ATXN1: variants seen among roughly 807,000 people sequenced by gnomAD.
The protein encoded by ATXN1 is ataxin-1.
ATXN1 carries 8 observed loss-of-function variants against 56.4 expected under a neutral mutation model. The observed-to-expected ratio is 0.14, with a 90% CI of 0.08 to 0.26. ATXN1 has a LOEUF of 0.26. Ranked by LOEUF, ATXN1 falls within the 10% of genes least tolerant of loss-of-function variation. The probability of loss-of-function intolerance (pLI) is 1.00; values close to 1 mark genes in which losing one functional copy is unlikely to be tolerated. For missense variants in ATXN1, 987 were observed against 1,106.5 expected (o/e 0.89, Z 1.53); for synonymous variants, 514 against 494.6 (o/e 1.04, Z -0.52).
intron 6 of ATXN1, among the ~76,000 whole-genome samples, chr6:16,450,017 A>G (rs1174528749): frequency 6.6e-6 from 1 of 152,230 alleles, no homozygotes. Flanking sequence ...AATCTAACAT[A>G]CATTATGCTA....
At chr6:16,478,595 T>A (rs954889854) in intron 6 of ATXN1, among the ~76,000 whole-genome samples, 2 of 152,214 alleles carry the variant, frequency 1.3e-5, no homozygotes, top group Non-Finnish European at 2.9e-5. Flanking sequence ...AAGAGAATAA[T>A]CTTTGTGCCC....
intron 2 of ATXN1, among the ~76,000 whole-genome samples, chr6:16,749,653 C>A (rs1438666106): frequency 2.0e-5 from 3 of 152,128 alleles, no homozygotes; most frequent in Non-Finnish European, 1.5e-5. Flanking sequence ...CACCCCAGAT[C>A]ATGAAAAGAA....
At chr6:16,610,685 T>C (rs924720356) in intron 3 of ATXN1, among the ~76,000 whole-genome samples, 9 of 152,044 alleles carry the variant, frequency 5.9e-5, no homozygotes, top group Non-Finnish European at 1.0e-4. Flanking sequence ...AAATTTAATT[T>C]TAAACAATAA....
intron 6 of ATXN1, among the ~76,000 whole-genome samples, chr6:16,374,172 A>G (rs1411270190): frequency 6.6e-6 from 1 of 151,494 alleles, no homozygotes; most frequent in African/African-American, 2.4e-5. Context: ...AGACCCTGCT[A>G]AAAAGGAACT....
intron 7 of ATXN1, among the ~76,000 whole-genome samples, chr6:16,320,675 C>CAGA (rs770200012): frequency 6.6e-6 from 1 of 152,238 alleles, no homozygotes; most frequent in African/African-American, 2.4e-5. Flanking sequence ...CAGCCTCTTG[C>CAGA]AGAAGAGGAG....
At chr6:16,373,033 T>A (rs1386035935) in intron 6 of ATXN1, among the ~76,000 whole-genome samples, 1 of 152,172 alleles carries the variant, frequency 6.6e-6, no homozygotes, top group African/African-American at 2.4e-5. Context: ...GAAGGGGACA[T>A]GTGATACGAG....
intron 6 of ATXN1, among the ~76,000 whole-genome samples, chr6:16,415,631 TGTGA>T (rs1758887729): frequency 6.6e-6 from 1 of 152,234 alleles, no homozygotes; most frequent in African/African-American, 2.4e-5. Context: ...GAAAGGGACC[TGTGA>T]GTGAGTCCTG....
At chr6:16,640,095 C>T (rs1396885081) in intron 3 of ATXN1, among the ~76,000 whole-genome samples, 1 of 151,932 alleles carries the variant, frequency 6.6e-6, no homozygotes, top group Non-Finnish European at 1.5e-5. Context: ...TCTGTGGCAA[C>T]CCCGTGTCAA....
chr6:16,629,455 G>A lies in ATXN1; in HGVS notation c.-489+28321C>T, dbSNP rs900927121. On this transcript the variant is annotated intron_variant, in intron 3 of 7. Coordinates refer to ENST00000436367, the MANE Select transcript of ATXN1 (RefSeq NM_001128164.2). Reference sequence around the variant, plus strand: ...CAATTCTCCTGCCTCAGCCTCCCGCGTAGCTGGGATTACAGGCACTCGCCA... The same window carrying A: ...CAATTCTCCTGCCTCAGCCTCCCGCATAGCTGGGATTACAGGCACTCGCCA... Among the ~76,000 whole-genome samples the A allele has an allele frequency of 5.3e-5, 8 of 151,966 alleles. No homozygotes were observed. The East Asian group carries it at 9.7e-4, about 18-fold the overall frequency.
At chr6:16,459,641 C>T (rs1275465024) in intron 6 of ATXN1, among the ~76,000 whole-genome samples, 1 of 152,214 alleles carries the variant, frequency 6.6e-6, no homozygotes, top group Non-Finnish European at 1.5e-5. Flanking sequence ...TTCCTCTGCA[C>T]TTGGACTCCC....
At chr6:16,714,991 A>G (rs1354329266) in intron 2 of ATXN1, among the ~76,000 whole-genome samples, 1 of 151,860 alleles carries the variant, frequency 6.6e-6, no homozygotes, top group East Asian at 1.9e-4. Flanking sequence ...TTCTCACTTC[A>G]TTACCTAAAG....
At chr6:16,535,678 C>T (rs1740428522) in intron 4 of ATXN1, among the ~76,000 whole-genome samples, 3 of 152,160 alleles carry the variant, frequency 2.0e-5, no homozygotes, top group Admixed American at 2.0e-4. Flanking sequence ...ACTGCCCACC[C>T]CTTAAGTGTG....
At chr6:16,708,505 A>G (rs1176823023) in intron 2 of ATXN1, among the ~76,000 whole-genome samples, 2 of 152,238 alleles carry the variant, frequency 1.3e-5, no homozygotes, top group African/African-American at 2.4e-5. Flanking sequence ...GTACAATGCA[A>G]TTAAAACATA....
intron 2 of ATXN1, among the ~76,000 whole-genome samples, chr6:16,665,064 T>C (rs1758397596): frequency 6.6e-6 from 1 of 152,238 alleles, no homozygotes; most frequent in African/African-American, 2.4e-5. Context: ...TTAAATTCTC[T>C]TCTGTGCCTC....
chr6:16,661,612 T>C (rs1275391415), intron 2 of ATXN1, among the ~76,000 whole-genome samples: 2 of 152,204 alleles, frequency 1.3e-5, no homozygotes, highest in Admixed American at 6.5e-5. Context: ...GTGACTCAAT[T>C]CTAGCAAACA....
chr6:16,525,025 C>A (rs1343325952), intron 4 of ATXN1, among the ~76,000 whole-genome samples: 1 of 152,152 alleles, frequency 6.6e-6, no homozygotes, highest in East Asian at 1.9e-4. Context: ...GTACTCCAGC[C>A]TGGGCAACAA....
intron 6 of ATXN1, among the ~76,000 whole-genome samples, chr6:16,470,766 G>A (rs1760201139): frequency 6.6e-6 from 1 of 152,130 alleles, no homozygotes; most frequent in African/African-American, 2.4e-5. Context: ...GTCAAGACAG[G>A]AGGATCACTT....
At chr6:16,724,161 T>A (rs1759800713) in intron 2 of ATXN1, among the ~76,000 whole-genome samples, 1 of 152,196 alleles carries the variant, frequency 6.6e-6, no homozygotes, top group South Asian at 2.1e-4. Context: ...CCCGAGTGAC[T>A]GGCATTCCCT....
intron 6 of ATXN1, among the ~76,000 whole-genome samples, chr6:16,471,699 G>A (rs779443197): frequency 6.6e-6 from 1 of 151,922 alleles, no homozygotes; most frequent in Non-Finnish European, 1.5e-5. Flanking sequence ...GTGTGTGTGT[G>A]TGTGTGTGTG....
Sources: gnomAD v4.1 joint callset for allele counts (sites outside exome capture counted in the v4.1 genomes callset) on GRCh38, gnomAD v4.1.1 for gene constraint, MANE v1.5 for transcripts, NCBI Gene and HGNC (gene_info 2026-07-23, HGNC 2026-07-21) for gene names.